SLC30A8: variants seen among roughly 807,000 people sequenced by gnomAD.
SLC30A8 encodes solute carrier family 30 member 8, also known as proton-coupled zinc antiporter SLC30A8.
In SLC30A8, 27 loss-of-function variants were observed where a neutral mutation model predicts 36.9. That is an observed-to-expected ratio of 0.73 (90% CI 0.54 to 1.01). The LOEUF is 1.01. SLC30A8 is among the 50% of genes least tolerant of loss of function. The pLI, the probability that SLC30A8 is intolerant of heterozygous loss-of-function variation, is 0.00. For synonymous variants in SLC30A8, 164 were observed against 172.4 expected, an observed-to-expected ratio of 0.95 and a Z score of 0.38; for missense variants, 439 against 452.0, an observed-to-expected ratio of 0.97 and a Z score of 0.26.
At position 117,173,734 on chromosome 8, in the gene SLC30A8, T is replaced by A. The variant is rs1823518430; in HGVS notation, c.*1053T>A. The stretch of plus-strand genomic sequence containing the variant: ...TTTGGAACCTGGACTTCTGCATTTT[T>A]AAAAGTTACCCAGAGATGCTTCTAA... On this transcript the variant is annotated 3_prime_UTR_variant, in exon 8 of 8. Coordinates refer to ENST00000456015, the MANE Select transcript of SLC30A8 (RefSeq NM_173851.3). 6.6e-6 allele frequency: 1 copy of A among 152,162 alleles called. No individual in the cohort carries two copies. 9.4% of individuals were successfully genotyped at this position (152,162 alleles called of 1,614,324 possible). A position where few individuals can be genotyped will look rare whatever the true frequency, so the allele number is the denominator to read the frequency against.
chr8:117,147,556 A>G (rs1821956835), intron 2 of SLC30A8: 1 of 168,408 alleles, frequency 5.9e-6, no homozygotes, highest in African/African-American at 2.4e-5. Flanking sequence ...TTAGAAATTT[A>G]GGGAGTTTTT....
chr8:117,173,356 C>T lies in SLC30A8; in HGVS notation c.*675C>T, dbSNP rs546164044. The T allele has an allele frequency of 6.6e-6, 1 of 152,246 alleles. No individual in the cohort carries two copies. Among genetic ancestry groups the T allele is most frequent in the African/African-American group, 2.4e-5 (1 of 41,562 alleles). 9.4% of individuals were successfully genotyped at this position (152,246 alleles called of 1,614,324 possible). A position where few individuals can be genotyped will look rare whatever the true frequency, so the allele number is the denominator to read the frequency against. On this transcript the variant is annotated 3_prime_UTR_variant, in exon 8 of 8. Coordinates refer to ENST00000456015, the MANE Select transcript of SLC30A8 (RefSeq NM_173851.3). ...ACTGTTCAAAAGGAAATATTTTCAC[C>T]TACCAGAGTGCTTAAACACTGGCAC...
At chr8:116,968,982 G>C (rs755042317) in intron 1 of SLC30A8, among the ~76,000 whole-genome samples, 1 of 151,978 alleles carries the variant, frequency 6.6e-6, no homozygotes, top group African/African-American at 2.4e-5. Context: ...TGATGTGCCC[G>C]CCTCAGTCTC....
intron 1 of SLC30A8, among the ~76,000 whole-genome samples, chr8:116,998,397 A>G (rs1236146763): frequency 6.6e-6 from 1 of 152,210 alleles, no homozygotes; most frequent in Non-Finnish European, 1.5e-5. Context: ...AAAAGCTGGG[A>G]AAAATGCTGC....
intron 2 of SLC30A8, among the ~76,000 whole-genome samples, chr8:117,047,149 G>A (rs1042810823): frequency 6.6e-6 from 1 of 152,218 alleles, no homozygotes; most frequent in African/African-American, 2.4e-5. Context: ...TACTGAGGGA[G>A]TTTTCCTTTG....
chr8:117,106,497 G>C (rs1820001325), intron 2 of SLC30A8, among the ~76,000 whole-genome samples: 2 of 152,184 alleles, frequency 1.3e-5, no homozygotes, highest in South Asian at 4.1e-4. Flanking sequence ...GAGATTGTTA[G>C]AGTAAGAAGG....
At chr8:117,105,705 C>A (rs1316234021) in intron 2 of SLC30A8, among the ~76,000 whole-genome samples, 1 of 152,108 alleles carries the variant, frequency 6.6e-6, no homozygotes, top group Non-Finnish European at 1.5e-5. Flanking sequence ...GTGAGGCCCA[C>A]CCACATTATT....
intron 2 of SLC30A8, among the ~76,000 whole-genome samples, chr8:117,069,465 TA>T: frequency 6.6e-6 from 1 of 152,294 alleles, no homozygotes; most frequent in Non-Finnish European, 1.5e-5. Context: ...GTGACTGTAT[TA>T]TGGGAAAGAA....
At chr8:117,150,730 C>T (rs925933721) in intron 2 of SLC30A8, among the ~76,000 whole-genome samples, 4 of 152,038 alleles carry the variant, frequency 2.6e-5, no homozygotes, top group Non-Finnish European at 4.4e-5. Context: ...CTCAGCCTCC[C>T]GAGTAGCTGG....
intron 1 of SLC30A8, among the ~76,000 whole-genome samples, chr8:117,013,641 G>T (rs1466326883): frequency 2.0e-5 from 3 of 152,212 alleles, no homozygotes; most frequent in Middle Eastern, 3.4e-3. Context: ...TGGACTTGGT[G>T]GTGTCAAGCT....
chr8:117,160,431 GTGTGCGCGCACA>G (rs1344200582), intron 4 of SLC30A8, among the ~76,000 whole-genome samples: 1 of 145,606 alleles, frequency 6.9e-6, no homozygotes, highest in Non-Finnish European at 1.5e-5. Context: ...GTGTGTGTGT[GTGTGCGCGCACA>G]TGTGCGCGCG....
At chr8:117,016,063 G>A (rs1015063831) in intron 1 of SLC30A8, among the ~76,000 whole-genome samples, 4 of 152,104 alleles carry the variant, frequency 2.6e-5, no homozygotes, top group African/African-American at 7.2e-5. Flanking sequence ...GGATAATACC[G>A]GGCATAAGGT....
intron 1 of SLC30A8, among the ~76,000 whole-genome samples, chr8:117,017,673 A>G (rs1816562985): frequency 1.3e-5 from 2 of 152,256 alleles, no homozygotes; most frequent in Non-Finnish European, 2.9e-5. Context: ...ACCTGTGAAG[A>G]AAATGAGGCA....
At chr8:116,982,020 T>A (rs1409820746) in intron 1 of SLC30A8, among the ~76,000 whole-genome samples, 1 of 152,204 alleles carries the variant, frequency 6.6e-6, no homozygotes, top group Non-Finnish European at 1.5e-5. Flanking sequence ...CTAAACTAAT[T>A]TATATTCCCA....
chr8:117,051,856 C>T (rs141949358), intron 2 of SLC30A8, among the ~76,000 whole-genome samples: 242 of 152,066 alleles, frequency 1.6e-3, no homozygotes, highest in Non-Finnish European at 2.9e-3. Context: ...GAGCCTGGCA[C>T]CTCCTCACTC....
At chr8:117,132,696 A>G (rs911670819), upstream of SLC30A8, among the ~76,000 whole-genome samples, 4 of 152,000 alleles carry the variant, frequency 2.6e-5, no homozygotes, top group African/African-American at 9.7e-5. Context: ...AGTAGACCAA[A>G]GGTTTGTCAG....
intron 1 of SLC30A8, among the ~76,000 whole-genome samples, chr8:117,011,063 A>G (rs978644511): frequency 1.2e-4 from 19 of 152,194 alleles, no homozygotes; most frequent in African/African-American, 2.7e-4. Flanking sequence ...TTCAAATTCT[A>G]TTCTACTACG....
At chr8:117,140,746 A>C (rs1020798362) in intron 1 of SLC30A8, among the ~76,000 whole-genome samples, 4 of 152,120 alleles carry the variant, frequency 2.6e-5, no homozygotes, top group Non-Finnish European at 5.9e-5. Context: ...TAAAGAAAGC[A>C]ATAGTAAAGG....
At chr8:117,065,457 C>G (rs1277338064) in intron 2 of SLC30A8, among the ~76,000 whole-genome samples, 1 of 152,064 alleles carries the variant, frequency 6.6e-6, no homozygotes. Context: ...CTGCTGGTGT[C>G]CCTACATACC....
Sources: gnomAD v4.1 joint callset for allele counts (sites outside exome capture counted in the v4.1 genomes callset) on GRCh38, gnomAD v4.1.1 for gene constraint, MANE v1.5 for transcripts, NCBI Gene and HGNC (gene_info 2026-07-23, HGNC 2026-07-21) for gene names.